The following LMTK2 variants were observed in gnomAD, a reference collection of about 807,000 sequenced individuals.
The protein encoded by LMTK2 is serine/threonine-protein kinase LMTK2.
In LMTK2, 37 loss-of-function variants were observed where a neutral mutation model predicts 127.5. The observed-to-expected ratio is 0.29, with a 90% CI of 0.22 to 0.38. The LOEUF (loss-of-function observed/expected upper bound fraction) is 0.38, where lower values mean the gene tolerates loss of function less well. Among genes scored for constraint, LMTK2 ranks in the 10% least tolerant of loss-of-function variants. The pLI, the probability that LMTK2 is intolerant of heterozygous loss-of-function variation, is 1.00. For missense variants in LMTK2, 1,694 were observed against 1,920.3 expected (o/e 0.88, Z 2.20); for synonymous variants, 819 against 810.1 (o/e 1.01, Z -0.19).
chr7:98,204,266 G>A, intron 13 of LMTK2, 80 bp downstream of exon 13: 2 of 1,539,738 alleles, frequency 1.3e-6, no homozygotes, highest in South Asian at 1.2e-5. Context: ...TGGTTTTGCA[G>A]GCCTGATAAT....
intron 11 of LMTK2, among the ~76,000 whole-genome samples, chr7:98,203,339 C>T (rs1303525853): frequency 1.3e-5 from 2 of 152,224 alleles, no homozygotes; most frequent in Non-Finnish European, 2.9e-5. Context: ...TGCTGCTCTG[C>T]GCTTCTCTGC....
intron 1 of LMTK2, among the ~76,000 whole-genome samples, chr7:98,135,877 A>G (rs1796587990): frequency 6.6e-6 from 1 of 150,734 alleles, no homozygotes; most frequent in South Asian, 2.1e-4. Context: ...TTTTTTTTTT[A>G]AACAGCCCCT....
chr7:98,116,781 TTC>T (rs1318823911), intron 1 of LMTK2, among the ~76,000 whole-genome samples: 3 of 152,244 alleles, frequency 2.0e-5, no homozygotes, highest in African/African-American at 7.2e-5. Flanking sequence ...GTGTCTTTTT[TTC>T]TCTTCCAGGA....
At chr7:98,156,032 C>A (rs540345526) in intron 5 of LMTK2, among the ~76,000 whole-genome samples, 78 of 151,678 alleles carry the variant, frequency 5.1e-4, no homozygotes, top group African/African-American at 1.7e-3. Flanking sequence ...AAAAAAAAAA[C>A]CTAATTCAAA....
At position 98,205,659 on chromosome 7, in the gene LMTK2, C is replaced by T; in HGVS notation, c.*167C>T. Reference sequence around the variant, plus strand: ...GCTCTTAGCTGCGTTCAAGGCGGGGCCCTCGGGAGCCCAGGTGCAGAGCGA... The same window carrying T: ...GCTCTTAGCTGCGTTCAAGGCGGGGTCCTCGGGAGCCCAGGTGCAGAGCGA... On this transcript the variant is annotated 3_prime_UTR_variant, in exon 14 of 14. Transcript: ENST00000297293. 2.8e-6 allele frequency: 2 copies of T among 721,318 alleles called. No individual in the cohort carries two copies. The highest frequency in any genetic ancestry group is 2.3e-6 in the Non-Finnish European group (1 of 433,320). 44.7% of individuals were successfully genotyped at this position (721,318 alleles called of 1,614,324 possible).
intron 11 of LMTK2, among the ~76,000 whole-genome samples, chr7:98,195,722 C>T (rs534121712): frequency 5.9e-5 from 9 of 152,264 alleles, no homozygotes; most frequent in South Asian, 2.1e-4. Context: ...GTGGCTATGG[C>T]GGGTCCAAGC....
At chr7:98,175,566 T>C (rs2116432608) in intron 7 of LMTK2, among the ~76,000 whole-genome samples, 1 of 152,306 alleles carries the variant, frequency 6.6e-6, no homozygotes, top group East Asian at 1.9e-4. Context: ...CTTAGGCTGG[T>C]TTAGAAAGAG....
intron 1 of LMTK2, among the ~76,000 whole-genome samples, chr7:98,107,891 G>A (rs1796139649): frequency 6.6e-6 from 1 of 152,128 alleles, no homozygotes; most frequent in Non-Finnish European, 1.5e-5. Flanking sequence ...TAAGGGTGAT[G>A]GAAGTTTCTA....
chr7:98,107,515 A>AC (rs910420581), intron 1 of LMTK2, among the ~76,000 whole-genome samples: 8 of 151,728 alleles, frequency 5.3e-5, no homozygotes, highest in African/African-American at 1.9e-4. Flanking sequence ...GCAGCCACCG[A>AC]CCCCTCCCGG....
chr7:98,161,841 A>G (rs905813221), intron 6 of LMTK2, among the ~76,000 whole-genome samples: 23 of 151,944 alleles, frequency 1.5e-4, no homozygotes, highest in African/African-American at 5.6e-4. Flanking sequence ...GAGCTGTTTC[A>G]TGTTGCCTTT....
At chr7:98,201,671 A>C (rs533273218) in intron 11 of LMTK2, among the ~76,000 whole-genome samples, 1 of 152,188 alleles carries the variant, frequency 6.6e-6, no homozygotes, top group East Asian at 1.9e-4. Context: ...GTACAGTGGC[A>C]CGATCATAGG....
chr7:98,205,303 G>GGAAAAGGA (rs1797772925), intron 13 of LMTK2, among the ~76,000 whole-genome samples, 161 bp from the exon 14 acceptor site: 1 of 152,230 alleles, frequency 6.6e-6, no homozygotes, highest in East Asian at 1.9e-4. Flanking sequence ...TCAGGCAGGG[G>GGAAAAGGA]CTGCTTCCGA....
chr7:98,164,695 G>A (rs926982979), intron 6 of LMTK2, among the ~76,000 whole-genome samples: 5 of 152,188 alleles, frequency 3.3e-5, no homozygotes, highest in African/African-American at 1.2e-4. Context: ...GACAGGGGAT[G>A]CTGTGCCCTG....
chr7:98,141,567 G>A (rs375787142), intron 3 of LMTK2, 26 bp downstream of exon 3: 28 of 1,602,610 alleles, frequency 1.7e-5, no homozygotes, highest in South Asian at 1.7e-4. Flanking sequence ...CTAATGCCAC[G>A]TTTTCATGAA....
chr7:98,168,733 C>G (rs1202797871), intron 6 of LMTK2, among the ~76,000 whole-genome samples: 1 of 152,138 alleles, frequency 6.6e-6, no homozygotes, highest in African/African-American at 2.4e-5. Flanking sequence ...TTGAATGACT[C>G]ATTCTACCAG....
In LMTK2 at chr7:98,193,278, G is replaced by A. The variant is rs749022665; in HGVS notation, c.2813G>A (p.Arg938His). The change falls in exon 11 of 14, where the codon CGC becomes CAC. Residue 938 changes from arginine to histidine, a missense_variant. By Grantham distance (29) the Arg-to-His change is conservative. This residue lies in a region of LMTK2 where 527 missense variants were observed against 539.8 expected (regional missense o/e 0.98). Transcript: ENST00000297293. The surrounding 1 kb of genome is among the most constrained non-coding windows in gnomAD (Gnocchi z 4.1). ...TTTTCGGAAGACCATCACAGTCATC[G>A]CCGGCTAGAGAAAAACTTAGAGGCT... ...KPFSEDHHSH[R>H]RLEKNLEAVE... 10 of 1,613,560 alleles carry A rather than the reference G, an allele frequency of 6.2e-6. No individual in the cohort carries two copies. Among genetic ancestry groups the A allele is most frequent in the Admixed American group, 5.0e-5 (3 of 60,010 alleles).
At position 98,193,195 on chromosome 7, in the gene LMTK2, C is replaced by G; in HGVS notation, c.2730C>G (p.Ser910Arg). 6.2e-7 allele frequency: 1 copy of G among 1,613,742 alleles called. No individual in the cohort carries two copies. Among genetic ancestry groups the G allele is most frequent in the Non-Finnish European group, 8.5e-7 (1 of 1,179,986 alleles). The change falls in exon 11 of 14, where the codon AGC (serine) becomes AGG (arginine). Residue 910 changes from serine (S) to arginine (R), a missense_variant. Ser to Arg is a moderately radical substitution (Grantham distance 110, BLOSUM62 -1). This residue lies in a region of LMTK2 where 527 missense variants were observed against 539.8 expected (regional missense o/e 0.98). Coordinates refer to ENST00000297293, the MANE Select transcript of LMTK2 (RefSeq NM_014916.4). The surrounding 1 kb of genome is among the most constrained non-coding windows in gnomAD (Gnocchi z 4.1). ...TTCTTGCTGATGACATCCTTGCCAG[C>G]AGGGTGAGTGTAGGGAGTAGTCTCC... ...DSVLADDILASRVSVGSSLPE... is the reference protein window; with the variant it reads ...DSVLADDILARRVSVGSSLPE...
At position 98,159,437 on chromosome 7, in the gene LMTK2, GA is replaced by G; in HGVS notation, c.657+14del. The G allele has an allele frequency of 1.3e-6, 2 of 1,570,324 alleles. No individual in the cohort carries two copies. The highest frequency in any genetic ancestry group is 1.8e-6 in the Non-Finnish European group (2 of 1,141,136). On this transcript the variant is annotated intron_variant, in intron 6 of 13. Transcript: ENST00000297293. ...AGTTCTGTGACTTGGTAAGTTCCTTGAAGGAATTCAAGTTCGAGTATTCCAG... is the reference window on the plus strand; with the variant it reads ...AGTTCTGTGACTTGGTAAGTTCCTTGAGGAATTCAAGTTCGAGTATTCCAG...
At chr7:98,112,473 C>T (rs1324918885) in intron 1 of LMTK2, among the ~76,000 whole-genome samples, 3 of 152,222 alleles carry the variant, frequency 2.0e-5, no homozygotes, top group Non-Finnish European at 4.4e-5. Context: ...TAAATGTAAA[C>T]GTTTTAGAAC....
Sources: allele counts gnomAD v4.1 joint callset (sites outside exome capture counted in the v4.1 genomes callset), GRCh38; gene constraint gnomAD v4.1.1; regional missense constraint gnomAD v4.1.1; non-coding constraint Gnocchi (gnomAD v3.1); transcripts MANE v1.5; gene names NCBI Gene and HGNC (gene_info 2026-07-23, HGNC 2026-07-21).